DDX31: variants seen among roughly 807,000 people sequenced by gnomAD.
DDX31 encodes ATP-dependent DNA helicase DDX31.
DDX31 carries 70 observed loss-of-function variants against 91.3 expected under a neutral mutation model. The observed-to-expected ratio is 0.77, with a 90% confidence interval of 0.63 to 0.94. The LOEUF (loss-of-function observed/expected upper bound fraction) is 0.94, where lower values mean the gene tolerates loss of function less well. Ranked by LOEUF, DDX31 falls within the 40% of genes least tolerant of loss-of-function variation. The probability of loss-of-function intolerance (pLI) is 0.00; values close to 1 mark genes in which losing one functional copy is unlikely to be tolerated. For synonymous variants in DDX31, 362 were observed against 350.6 expected, an observed-to-expected ratio of 1.03 and a Z score of -0.36; for missense variants, 902 against 925.0, an observed-to-expected ratio of 0.98 and a Z score of 0.32.
chr9:132,634,585 GTTTTTTTTTTTTT>G lies in DDX31; in HGVS notation c.1441-2507_1441-2495del, dbSNP rs59296842. 4.4e-4 allele frequency among the ~76,000 whole-genome samples: 45 copies of G among 103,106 alleles called. 1 individual carries two copies. In the South Asian group the frequency reaches 8.3e-3, roughly 19 times the overall value. 67.6% of individuals were successfully genotyped at this position (103,106 alleles called of 152,430 possible). On this transcript the variant is annotated intron_variant, in intron 14 of 19. Coordinates refer to ENST00000372159, the MANE Select transcript of DDX31 (RefSeq NM_022779.9). ...CAAATTCTCCAACTGTACCTAAGAT[GTTTTTTTTTTTTT>G]TTTTTTTTTTTAAAGATGGGGTCTC...
At chr9:132,631,599 T>C (rs1331346727) in intron 15 of DDX31, among the ~76,000 whole-genome samples, 2 of 152,224 alleles carry the variant, frequency 1.3e-5, no homozygotes, top group African/African-American at 2.4e-5. Flanking sequence ...CTGTACCCTC[T>C]GGCAAAGCGT....
intron 1 of DDX31, 102 bp from the exon 2 acceptor site, chr9:132,662,797 G>A: frequency 6.8e-7 from 1 of 1,479,944 alleles, no homozygotes; most frequent in Non-Finnish European, 9.2e-7. Context: ...ATCTCTCCCT[G>A]CAGAGATCAT....
chr9:132,664,731 A>C (rs987183057), intron 1 of DDX31, among the ~76,000 whole-genome samples: 2 of 151,468 alleles, frequency 1.3e-5, no homozygotes, highest in African/African-American at 4.9e-5. Context: ...AAAAAAAAAA[A>C]AAAAAACTGT....
chr9:132,602,075 A>C (rs1055952131), intron 19 of DDX31, among the ~76,000 whole-genome samples: 7 of 152,400 alleles, frequency 4.6e-5, no homozygotes, highest in Non-Finnish European at 7.3e-5. Context: ...CTATGTTTGC[A>C]AATCATGTAC....
chr9:132,666,837 G>A (rs1835344094), intron 1 of DDX31, among the ~76,000 whole-genome samples: 1 of 152,078 alleles, frequency 6.6e-6, no homozygotes, highest in Non-Finnish European at 1.5e-5. Flanking sequence ...CTCCCGAGTG[G>A]CTTGGACTAT....
At chr9:132,642,968 G>A (rs553583453) in intron 13 of DDX31, among the ~76,000 whole-genome samples, 1 of 152,114 alleles carries the variant, frequency 6.6e-6, no homozygotes, top group South Asian at 2.1e-4. Flanking sequence ...GGGACTACAG[G>A]CATACACACA....
intron 14 of DDX31, among the ~76,000 whole-genome samples, 192 bp from the exon 15 acceptor site, chr9:132,632,283 CACACACACACACACAG>C (rs1178702216): frequency 0.016 from 2,110 of 135,360 alleles, 71 homozygotes; most frequent in African/African-American, 0.048. Context: ...CACACACACA[CACACACACACACACAG>C]TCCTGCATAC....
chr9:132,649,658 A>T (rs1834059999), intron 9 of DDX31, among the ~76,000 whole-genome samples: 1 of 152,218 alleles, frequency 6.6e-6, no homozygotes, highest in Non-Finnish European at 1.5e-5. Context: ...TTCAGGTTTC[A>T]TATTTACTCC....
intron 19 of DDX31, among the ~76,000 whole-genome samples, chr9:132,605,459 C>T (rs1000667642): frequency 6.6e-6 from 1 of 152,160 alleles, no homozygotes; most frequent in South Asian, 2.1e-4. Flanking sequence ...CACCACAAAA[C>T]CTGAAAACAC....
chr9:132,655,943 C>T (rs553757358), intron 6 of DDX31, among the ~76,000 whole-genome samples: 24 of 152,162 alleles, frequency 1.6e-4, no homozygotes, highest in Non-Finnish European at 2.8e-4. Flanking sequence ...TGAACGCAGG[C>T]TAGGAATGGT....
At chr9:132,612,747 TGTTAC>T (rs1178224709) in intron 18 of DDX31, among the ~76,000 whole-genome samples, 1 of 152,250 alleles carries the variant, frequency 6.6e-6, no homozygotes, top group African/African-American at 2.4e-5. Flanking sequence ...CATGCTAGTC[TGTTAC>T]AAAATTTACA....
Position 132,661,162 on chromosome 9 carries a change from T to C in DDX31, c.452+46A>G, listed in dbSNP as rs746814690. The stretch of plus-strand genomic sequence containing the variant: ...TGCACACACAGGTTTCGTCCGGTTA[T>C]ACCCACGTAATGCCTAAGAAATCAA... On this transcript the variant is annotated intron_variant, in intron 4 of 19. Coordinates refer to ENST00000372159, the MANE Select transcript of DDX31 (RefSeq NM_022779.9). The C allele has an allele frequency of 1.9e-6, 3 of 1,557,688 alleles. No individual in the cohort carries two copies. In the South Asian group the frequency reaches 3.4e-5, roughly 17 times the overall value.
At chr9:132,668,941 G>C (rs1302876351) in intron 1 of DDX31, among the ~76,000 whole-genome samples, 6 of 152,220 alleles carry the variant, frequency 3.9e-5, no homozygotes, top group Non-Finnish European at 7.3e-5. Flanking sequence ...GTTTTGTCCA[G>C]AAAGGTGGGA....
chr9:132,655,827 T>C (rs945744596), intron 6 of DDX31, among the ~76,000 whole-genome samples: 5 of 152,184 alleles, frequency 3.3e-5, no homozygotes, highest in Non-Finnish European at 5.9e-5. Flanking sequence ...CAATTACAAG[T>C]ATGGTTTTCG....
intron 19 of DDX31, among the ~76,000 whole-genome samples, chr9:132,609,563 T>C (rs1291799997): frequency 6.6e-6 from 1 of 152,232 alleles, no homozygotes; most frequent in Non-Finnish European, 1.5e-5. Context: ...ATCTGCTAAC[T>C]ATGAAATCTT....
rs1383607394 is a variant in DDX31, at chr9:132,608,098, C to T, written c.1994+3989G>A. Among the ~76,000 whole-genome samples the T allele has an allele frequency of 2.0e-5, 3 of 152,306 alleles. No individual in the cohort carries two copies. In the East Asian group the frequency reaches 5.8e-4, roughly 29 times the overall value. On this transcript the variant is annotated intron_variant, in intron 19 of 19. Coordinates refer to ENST00000372159, the MANE Select transcript of DDX31 (RefSeq NM_022779.9). ...CTTTGCTTCTCAGAAACTGCTGAAT[C>T]TACTATAGCTTCAAAATAAGAACTG... is the stretch of plus-strand genomic sequence containing the variant.
At chr9:132,607,751 A>G (rs1021399603) in intron 19 of DDX31, among the ~76,000 whole-genome samples, 7 of 152,266 alleles carry the variant, frequency 4.6e-5, no homozygotes, top group African/African-American at 1.7e-4. Flanking sequence ...CAGTGATCAT[A>G]GTTTGCTGCA....
intron 17 of DDX31, among the ~76,000 whole-genome samples, chr9:132,625,049 G>C (rs946675411): frequency 1.7e-4 from 26 of 152,066 alleles, no homozygotes; most frequent in African/African-American, 6.0e-4. Flanking sequence ...ACTGAGTAAG[G>C]GGGTGGGGTG....
intron 19 of DDX31, 73 bp downstream of exon 19, chr9:132,612,014 T>C (rs1046173200): frequency 1.3e-6 from 2 of 1,545,154 alleles, no homozygotes; most frequent in African/African-American, 2.7e-5. Flanking sequence ...GCGGTGAGCA[T>C]GGCAGCTAGC....
Sources: gnomAD v4.1 joint callset for allele counts (sites outside exome capture counted in the v4.1 genomes callset) on GRCh38, gnomAD v4.1.1 for gene constraint, MANE v1.5 for transcripts, NCBI Gene and HGNC (gene_info 2026-07-23, HGNC 2026-07-21) for gene names.